Variants in NRG3 observed in about 807,000 individuals in gnomAD.
NRG3 encodes pro-neuregulin-3, membrane-bound isoform.
NRG3 carries 31 observed loss-of-function variants against 66.9 expected under a neutral mutation model. The ratio of observed to expected loss-of-function variants is 0.46; its 90% CI spans 0.35 to 0.63. NRG3 has a LOEUF of 0.63. Ranked by LOEUF, NRG3 falls within the 20% of genes least tolerant of loss-of-function variation. The pLI is 0.00. For synonymous variants in NRG3, 393 were observed against 359.4 expected, an observed-to-expected ratio of 1.09 and a Z score of -1.06; for missense variants, 910 against 878.9, an observed-to-expected ratio of 1.04 and a Z score of -0.45.
chr10:82,491,631 C>T (rs1843156798), intron 2 of NRG3, among the ~76,000 whole-genome samples: 1 of 151,990 alleles, frequency 6.6e-6, no homozygotes, highest in Non-Finnish European at 1.5e-5. Context: ...TGCTATTTAA[C>T]TAGTGTCTAA....
At chr10:82,383,584 T>C (rs1363662804) in intron 2 of NRG3, among the ~76,000 whole-genome samples, 2 of 152,076 alleles carry the variant, frequency 1.3e-5, no homozygotes, top group Non-Finnish European at 2.9e-5. Context: ...TTGGTTGTTT[T>C]AATAGAATTG....
At chr10:82,592,573 A>G (rs2047043409) in intron 2 of NRG3, among the ~76,000 whole-genome samples, 1 of 152,218 alleles carries the variant, frequency 6.6e-6, no homozygotes, top group South Asian at 2.1e-4. Context: ...ACCAGCACAT[A>G]GCAGAGGCAG....
chr10:82,166,885 GT>G (rs200826900), intron 1 of NRG3: 116 of 579,412 alleles, frequency 2.0e-4, no homozygotes, highest in South Asian at 3.2e-4. Flanking sequence ...TTTCTCAGTA[GT>G]TTTTTTTTAT....
chr10:82,913,578 T>C (rs968648377), intron 4 of NRG3, among the ~76,000 whole-genome samples: 1 of 152,202 alleles, frequency 6.6e-6, no homozygotes, highest in African/African-American at 2.4e-5. Flanking sequence ...AATTCTAAAT[T>C]GGTGATGGTG....
At chr10:82,314,163 T>G (rs1206144048) in intron 1 of NRG3, among the ~76,000 whole-genome samples, 1 of 152,188 alleles carries the variant, frequency 6.6e-6, no homozygotes, top group African/African-American at 2.4e-5. Context: ...ATATTACCTC[T>G]TGTGAATTTT....
intron 1 of NRG3, among the ~76,000 whole-genome samples, chr10:82,161,484 C>A (rs2071596856): frequency 6.6e-6 from 1 of 152,042 alleles, no homozygotes; most frequent in Non-Finnish European, 1.5e-5. Context: ...AGTAGGCCAG[C>A]ACTTTGCATA....
intron 1 of NRG3, among the ~76,000 whole-genome samples, chr10:82,273,438 A>C (rs897871920): frequency 6.6e-6 from 1 of 152,046 alleles, no homozygotes; most frequent in African/African-American, 2.4e-5. Flanking sequence ...AAATAGTTAC[A>C]TTATTTTTAT....
intron 2 of NRG3, among the ~76,000 whole-genome samples, chr10:82,614,057 G>A (rs1340299454): frequency 6.6e-6 from 1 of 151,902 alleles, no homozygotes; most frequent in East Asian, 1.9e-4. Context: ...CCAACACCAT[G>A]CCTGGCTCAT....
chr10:81,934,385 G>C (rs1207499861), intron 1 of NRG3, among the ~76,000 whole-genome samples: 1 of 152,180 alleles, frequency 6.6e-6, no homozygotes, highest in Non-Finnish European at 1.5e-5. Flanking sequence ...ATCTGTGCTT[G>C]AATTTTGCAT....
intron 2 of NRG3, among the ~76,000 whole-genome samples, chr10:82,477,237 T>G (rs546073678): frequency 1.3e-5 from 2 of 152,228 alleles, no homozygotes; most frequent in East Asian, 3.9e-4. Context: ...GACATGGGAA[T>G]ACCAAATCCA....
At chr10:82,585,994 A>G (rs969367178) in intron 2 of NRG3, among the ~76,000 whole-genome samples, 5 of 152,196 alleles carry the variant, frequency 3.3e-5, no homozygotes, top group Admixed American at 1.3e-4. Flanking sequence ...AACTTTATAC[A>G]CTAAGTGATT....
intron 3 of NRG3, among the ~76,000 whole-genome samples, chr10:82,817,679 A>G (rs895605250): frequency 2.6e-5 from 4 of 152,218 alleles, no homozygotes; most frequent in African/African-American, 7.2e-5. Flanking sequence ...TTGGTAAGGA[A>G]GTTTGCCAGG....
chr10:82,238,427 GAA>G (rs1348434422), intron 1 of NRG3, among the ~76,000 whole-genome samples: 1 of 152,130 alleles, frequency 6.6e-6, no homozygotes, highest in African/African-American at 2.4e-5. Flanking sequence ...TGCCAGTGGG[GAA>G]AGAGTCATAC....
intron 2 of NRG3, among the ~76,000 whole-genome samples, chr10:82,463,046 G>C (rs1286077049): frequency 6.6e-6 from 1 of 152,134 alleles, no homozygotes; most frequent in Non-Finnish European, 1.5e-5. Flanking sequence ...ATGGATGCCA[G>C]CTCCCCAGGC....
chr10:82,844,116 C>T (rs2063195571), intron 3 of NRG3, among the ~76,000 whole-genome samples: 1 of 152,000 alleles, frequency 6.6e-6, no homozygotes, highest in Admixed American at 6.6e-5. Context: ...TGCATATTAG[C>T]AAAGAAAAAT....
At chr10:81,913,153 G>T (rs1589435111) in intron 1 of NRG3, among the ~76,000 whole-genome samples, 1 of 146,664 alleles carries the variant, frequency 6.8e-6, no homozygotes, top group Non-Finnish European at 1.5e-5. Context: ...TTTTATGGTT[G>T]AATTTATTCA....
chr10:82,951,437 A>G (rs371283093), intron 4 of NRG3, 32 bp from the exon 5 acceptor site: 106 of 1,532,998 alleles, frequency 6.9e-5, no homozygotes, highest in Non-Finnish European at 9.1e-5. Flanking sequence ...CCCCGCTAGC[A>G]TCCATTCTAA....
intron 3 of NRG3, among the ~76,000 whole-genome samples, chr10:82,763,917 G>T (rs1308551967): frequency 6.6e-6 from 1 of 151,982 alleles, no homozygotes; most frequent in Admixed American, 6.6e-5. Context: ...GATAATATTT[G>T]GACATATTGA....
intron 3 of NRG3, chr10:82,859,227 A>C (rs1212790955): frequency 2.0e-5 from 3 of 152,282 alleles, no homozygotes; most frequent in Non-Finnish European, 4.4e-5. Context: ...GATTACAGGT[A>C]TGATCCACCG....
Sources: gnomAD v4.1 joint callset for allele counts (sites outside exome capture counted in the v4.1 genomes callset) on GRCh38, gnomAD v4.1.1 for gene constraint, MANE v1.5 for transcripts, NCBI Gene and HGNC (gene_info 2026-07-23, HGNC 2026-07-21) for gene names.